The following MYO7B variants were observed in gnomAD, a reference collection of about 807,000 sequenced individuals.
MYO7B encodes the protein unconventional myosin-VIIb.
Under a neutral mutation model 259.7 loss-of-function variants are expected in MYO7B, and 212 were observed. The observed-to-expected ratio is 0.82, with a 90% confidence interval of 0.73 to 0.91. MYO7B has a LOEUF of 0.91. Among genes scored for constraint, MYO7B ranks in the 40% least tolerant of loss-of-function variants. The pLI is 0.00. For missense variants in MYO7B, 2,732 were observed against 2,813.5 expected (o/e 0.97, Z 0.66); for synonymous variants, 1,197 against 1,166.4 (o/e 1.03, Z -0.54).
chr2:127,636,312 C>G lies in MYO7B; in HGVS notation c.6111C>G (p.Phe2037Leu). Residue 2037 changes from phenylalanine to leucine, a missense_variant, in exon 45 of 48, where the codon TTC becomes TTG. Physicochemically the swap from Phe to Leu is conservative, Grantham distance 22. Coordinates refer to ENST00000409816, the MANE Select transcript of MYO7B (RefSeq NM_001393586.1). This position sits in a 1 kb window ranked among gnomAD's most constrained non-coding sequence, Gnocchi z 4.5. ...ICRWPTFGSA[F>L]FEVKQTSEPS... is the part of the protein sequence containing the mutation. ...GGTGGCCCACCTTCGGATCCGCCTT[C>G]TTCGAGGTGAAGGTAAACCTTGCCC... The G allele has an allele frequency of 6.2e-7, 1 of 1,613,286 alleles. No homozygotes were observed. The highest frequency in any genetic ancestry group is 2.2e-5 in the East Asian group (1 of 44,866).
intron 5 of MYO7B, among the ~76,000 whole-genome samples, chr2:127,569,313 G>C (rs966286907): frequency 5.3e-5 from 8 of 152,126 alleles, no homozygotes; most frequent in Non-Finnish European, 8.8e-5. Context: ...AGTTGAAGCT[G>C]GATAATGGGA....
intron 10 of MYO7B, 137 bp from the exon 11 acceptor site, chr2:127,581,754 G>C: frequency 8.2e-7 from 1 of 1,212,390 alleles, no homozygotes; most frequent in Non-Finnish European, 1.1e-6. Context: ...CCCTGGCCCT[G>C]GCCTCGGGCA....
chr2:127,609,635 C>T lies in MYO7B; in HGVS notation c.2944C>T (p.Gln982Ter). The change falls in exon 23 of 48, where the codon CAG (glutamine) becomes TAG (stop). Residue 982 changes from glutamine to a stop codon, truncating the protein, a stop_gained. Transcript: ENST00000409816. LOFTEE classifies it high-confidence loss of function. The surrounding 1 kb of genome is among the most constrained non-coding windows in gnomAD (Gnocchi z 6.9). ...CCCCAAGTTTGCTGTGACTTACTTC[C>T]AGAAATCAGCCAGCCACACACACAT... is the stretch of plus-strand genomic sequence containing the variant. ...TFPKFAVTYF[Q>*]KSASHTHIRR... The T allele has an allele frequency of 6.2e-7, 1 of 1,614,020 alleles. No individual in the cohort carries two copies. The highest frequency in any genetic ancestry group is 8.5e-7 in the Non-Finnish European group (1 of 1,179,900).
In MYO7B at chr2:127,609,787, A is replaced by G; in HGVS notation, c.3025-62A>G. 6.2e-7 allele frequency: 1 copy of G among 1,610,818 alleles called. No individual in the cohort carries two copies. Among genetic ancestry groups the G allele is most frequent in the South Asian group, 1.1e-5 (1 of 91,030 alleles). On this transcript the variant is annotated intron_variant, in intron 23 of 47. Coordinates refer to ENST00000409816, the MANE Select transcript of MYO7B (RefSeq NM_001393586.1). This position sits in a 1 kb window ranked among gnomAD's most constrained non-coding sequence, Gnocchi z 6.9. The stretch of plus-strand genomic sequence containing the variant: ...TGGGGTGTGAGCTATGGCTCGGGGA[A>G]AGAAGGAAGGGGCCATAGTCACTGA...
chr2:127,537,265 G>A (rs1188664883), intron 1 of MYO7B, among the ~76,000 whole-genome samples: 1 of 152,178 alleles, frequency 6.6e-6, no homozygotes, highest in Non-Finnish European at 1.5e-5. Flanking sequence ...AAACTGGCCT[G>A]TCTGGGGCTC....
intron 17 of MYO7B, 127 bp downstream of exon 17, chr2:127,593,073 C>A: frequency 8.1e-7 from 1 of 1,227,178 alleles, no homozygotes; most frequent in Non-Finnish European, 1.1e-6. Flanking sequence ...GCGATGAGCC[C>A]TGTCCTTCCT....
At position 127,584,381 on chromosome 2, in the gene MYO7B, C is replaced by T. The variant is rs777569104; in HGVS notation, c.1554+49C>T. Reference sequence around the variant, plus strand: ...TTCTGGTGGAGGCCCTGCTATGGGTCTCCTCTTGGAGGCTGGGAAACTCCA... The same window carrying T: ...TTCTGGTGGAGGCCCTGCTATGGGTTTCCTCTTGGAGGCTGGGAAACTCCA... On this transcript the variant is annotated intron_variant, in intron 13 of 47. Coordinates refer to ENST00000409816, the MANE Select transcript of MYO7B (RefSeq NM_001393586.1). This position sits in a 1 kb window ranked among gnomAD's most constrained non-coding sequence, Gnocchi z 5.8. The T allele has an allele frequency of 3.8e-6, 6 of 1,586,062 alleles. No homozygotes were observed. The African/African-American group carries it at 8.1e-5, about 21-fold the overall frequency.
Position 127,578,159 on chromosome 2 carries a change from C to A in MYO7B, c.876C>A (p.Leu292=), listed in dbSNP as rs543123271. 1 of 1,613,700 alleles carries A rather than the reference C, an allele frequency of 6.2e-7. No individual in the cohort carries two copies. Among genetic ancestry groups the A allele is most frequent in the East Asian group, 2.2e-5 (1 of 44,864 alleles). ...GGAACTGCACTTCCTGTGAGGGGCT[C>A]AACGACGCCAAGGACTACGCCCACA... ...TMGNCTSCEG[L]NDAKDYAHIR... The change falls in exon 9 of 48, where the codon CTC becomes CTA. Residue 292 remains leucine (L), a synonymous_variant. Transcript: ENST00000409816.
At chr2:127,630,481 G>A in intron 35 of MYO7B, among the ~76,000 whole-genome samples, 1 of 152,258 alleles carries the variant, frequency 6.6e-6, no homozygotes, top group African/African-American at 2.4e-5. Context: ...CATGGAGAAG[G>A]GGAGCTGGGG....
At chr2:127,634,829 C>G in intron 42 of MYO7B, 146 bp downstream of exon 42, 1 of 800,252 alleles carries the variant, frequency 1.2e-6, no homozygotes, top group Non-Finnish European at 2.0e-6. Context: ...CCCTGGGGCC[C>G]GGCGGTGAGG....
intron 34 of MYO7B, among the ~76,000 whole-genome samples, chr2:127,629,152 A>G (rs1681324812): frequency 6.6e-6 from 1 of 152,194 alleles, no homozygotes; most frequent in Non-Finnish European, 1.5e-5. Flanking sequence ...GTTGGGATGT[A>G]GCAGAAGAGG....
intron 36 of MYO7B, 140 bp from the exon 37 acceptor site, chr2:127,631,066 G>A (rs1263075378): frequency 6.5e-6 from 9 of 1,391,690 alleles, no homozygotes; most frequent in Non-Finnish European, 8.7e-6. Flanking sequence ...GGCCTTCCCA[G>A]GCCAGGGGAG....
rs1179083070 is a variant in MYO7B at position 127,611,973 on chromosome 2, C to T, written c.3193-277C>T. On this transcript the variant is annotated intron_variant, in intron 24 of 47. Coordinates refer to ENST00000409816, the MANE Select transcript of MYO7B (RefSeq NM_001393586.1). The surrounding 1 kb of genome is among the most constrained non-coding windows in gnomAD (Gnocchi z 5.4). ...CTTTGGGATCAGAACAGCCCTGAGCCCCTCCCTGGGGGCTGGTGACCCACT... is the reference window on the plus strand; with the variant it reads ...CTTTGGGATCAGAACAGCCCTGAGCTCCTCCCTGGGGGCTGGTGACCCACT... 1.3e-5 allele frequency among the ~76,000 whole-genome samples: 2 copies of T among 152,154 alleles called. No individual in the cohort carries two copies. The highest frequency in any genetic ancestry group is 4.8e-5 in the African/African-American group (2 of 41,422).
At chr2:127,538,347 C>G (rs1189760393) in intron 1 of MYO7B, among the ~76,000 whole-genome samples, 1 of 152,184 alleles carries the variant, frequency 6.6e-6, no homozygotes, top group Admixed American at 6.5e-5. Flanking sequence ...ACAGTAGCCA[C>G]TAGCCACAAG....
rs1456627455 is a variant in MYO7B, at chr2:127,608,856, G to A, written c.2792G>A (p.Gly931Asp). The change falls in exon 22 of 48, where the codon GGC becomes GAC. Residue 931 changes from glycine (G) to aspartate (D), a missense_variant. Gly to Asp is a moderately conservative substitution (Grantham distance 94). Around this residue, in one of 3 missense-constraint regions of MYO7B, gnomAD observed 1,906 missense variants for 2,026.4 expected, o/e 0.94. Transcript: ENST00000409816. ...CCTGCCATGATTGGGGGCCAGGAGGGCCAGGCCTCGCCGCACTTTGAGGTA... is the reference window on the plus strand; with the variant it reads ...CCTGCCATGATTGGGGGCCAGGAGGACCAGGCCTCGCCGCACTTTGAGGTA... ...FLPAMIGGQE[G>D]QASPHFEDLE... The A allele has an allele frequency of 5.6e-6, 9 of 1,612,796 alleles. No individual in the cohort carries two copies. Among genetic ancestry groups the A allele is most frequent in the Middle Eastern group, 1.6e-4 (1 of 6,082 alleles).
At chr2:127,637,267 C>T (rs765475375) in intron 47 of MYO7B, 49 bp from the exon 48 acceptor site, 13 of 1,412,946 alleles carry the variant, frequency 9.2e-6, no homozygotes, top group Admixed American at 3.9e-5. Flanking sequence ...CCAGGACCCC[C>T]ACCTGCCCTC....
At chr2:127,637,243 G>C (rs1444620158) in intron 47 of MYO7B, 73 bp from the exon 48 acceptor site, 8 of 1,156,538 alleles carry the variant, frequency 6.9e-6, no homozygotes, top group Non-Finnish European at 1.0e-5. Context: ...AGGAAGAGAA[G>C]GTGGTCCCTG....
At chr2:127,629,856 TGG>T in intron 35 of MYO7B, 30 bp downstream of exon 35, 3 of 1,524,548 alleles carry the variant, frequency 2.0e-6, no homozygotes, top group Non-Finnish European at 2.6e-6. Context: ...GTCCTCAGCC[TGG>T]GTACCCGAGG....
chr2:127,596,056 G>A (rs759973883), intron 18 of MYO7B, among the ~76,000 whole-genome samples: 6 of 152,166 alleles, frequency 3.9e-5, no homozygotes, highest in African/African-American at 7.2e-5. Context: ...TGACAGTGAG[G>A]TGTTAAAGTC....
Sources: allele counts gnomAD v4.1 joint callset (sites outside exome capture counted in the v4.1 genomes callset), GRCh38; gene constraint gnomAD v4.1.1; regional missense constraint gnomAD v4.1.1; non-coding constraint Gnocchi (gnomAD v3.1); transcripts MANE v1.5; gene names NCBI Gene and HGNC (gene_info 2026-07-23, HGNC 2026-07-21).